The following PCDHGA6 variants were observed in gnomAD, a reference collection of about 807,000 sequenced individuals.
PCDHGA6 encodes protocadherin gamma subfamily A, 6, also known as protocadherin gamma-A6.
Under a neutral mutation model 60.6 loss-of-function variants are expected in PCDHGA6, and 41 were observed. The ratio of observed to expected loss-of-function variants is 0.68; its 90% confidence interval spans 0.53 to 0.88. The LOEUF (loss-of-function observed/expected upper bound fraction) is 0.88, where lower values mean the gene tolerates loss of function less well. Among genes scored for constraint, PCDHGA6 ranks in the 40% least tolerant of loss-of-function variants. The probability of loss-of-function intolerance (pLI) is 0.00; values close to 1 mark genes in which losing one functional copy is unlikely to be tolerated. For synonymous variants in PCDHGA6, 594 were observed against 524.4 expected (o/e 1.13, Z -1.81); for missense variants, 1,312 against 1,203.0 (o/e 1.09, Z -1.34).
At chr5:141,421,222 C>T in intron 1 of PCDHGA6, 1 of 1,576,946 alleles carries the variant, frequency 6.3e-7, no homozygotes, top group Non-Finnish European at 8.6e-7. Flanking sequence ...CGGCTTAGAG[C>T]CTGCCATGGC....
Position 141,491,902 on chromosome 5 carries a change from G to C in PCDHGA6, c.2425-2905G>C. On this transcript the variant is annotated intron_variant, in intron 1 of 3. Transcript: ENST00000517434. This position sits in a 1 kb window ranked among gnomAD's most constrained non-coding sequence, Gnocchi z 6.9. ...AGGGATGGGGCTCCGAGCACCGGGG[G>C]TGGTGGCGACTGTGGGCGAGGGGAG... 7.0e-7 allele frequency: 1 copy of C among 1,429,002 alleles called. No individual in the cohort carries two copies. Among genetic ancestry groups the C allele is most frequent in the Non-Finnish European group, 9.3e-7 (1 of 1,079,426 alleles). The allele number at this position is 1,429,002 out of a possible 1,614,324, so 88.5% of individuals were successfully genotyped here. A position where few individuals can be genotyped will look rare whatever the true frequency, so the allele number is the denominator to read the frequency against.
rs561548499 is a variant in PCDHGA6, at chr5:141,414,930, C to T, written c.2424+38423C>T. On this transcript the variant is annotated intron_variant, in intron 1 of 3. Coordinates refer to ENST00000517434, the MANE Select transcript of PCDHGA6 (RefSeq NM_018919.3). ...CAGGCGTGGAGCTGGCGCCCCGCTC[C>T]GCAGAGCCCGGCTACCTGGTGACCA... 1.9e-6 allele frequency: 3 copies of T among 1,614,156 alleles called. No homozygotes were observed. The South Asian group carries it at 3.3e-5, about 18-fold the overall frequency.
At chr5:141,430,853 C>G (rs769009864) in intron 1 of PCDHGA6, 2 of 1,587,214 alleles carry the variant, frequency 1.3e-6, no homozygotes, top group Non-Finnish European at 1.7e-6. Flanking sequence ...CACCCAGATA[C>G]GCTATTCAGT....
intron 1 of PCDHGA6, chr5:141,398,283 G>A (rs1470207042): frequency 7.2e-7 from 1 of 1,396,846 alleles, no homozygotes; most frequent in East Asian, 2.5e-5. Context: ...ACCTCGCCAC[G>A]GACCTGGGGT....
At chr5:141,410,338 C>T (rs1050053577) in intron 1 of PCDHGA6, 35 of 1,613,900 alleles carry the variant, frequency 2.2e-5, no homozygotes, top group Non-Finnish European at 2.2e-5. Context: ...TGGCCATTGC[C>T]TTGCGCCTGC....
At chr5:141,403,624 C>T (rs1269483770) in intron 1 of PCDHGA6, 3 of 1,613,924 alleles carry the variant, frequency 1.9e-6, no homozygotes. Context: ...GTCGCTCCAG[C>T]ACAGTGCGCA....
Position 141,374,140 on chromosome 5 carries a change from C to T in PCDHGA6, c.57C>T (p.Leu19=). ...GCGAGCAGGTCCTGCTCCTCACGCT[C>T]CTGGGGACGCTGTGGGGGGCCGCGG... ...QRSEQVLLLT[L]LGTLWGAAAA... Residue 19 remains leucine (L), a synonymous_variant, in exon 1 of 4, where the codon CTC becomes CTT. Coordinates refer to ENST00000517434, the MANE Select transcript of PCDHGA6 (RefSeq NM_018919.3). The T allele has an allele frequency of 6.2e-7, 1 of 1,609,666 alleles. No homozygotes were observed. The highest frequency in any genetic ancestry group is 1.1e-5 in the South Asian group (1 of 90,768).
At chr5:141,469,896 C>T (rs934040636) in intron 1 of PCDHGA6, among the ~76,000 whole-genome samples, 4 of 152,074 alleles carry the variant, frequency 2.6e-5, no homozygotes, top group Admixed American at 6.5e-5. Context: ...TTTGGGAAGC[C>T]GAGGCAGGCA....
intron 1 of PCDHGA6, among the ~76,000 whole-genome samples, chr5:141,450,123 T>G (rs565568384): frequency 2.4e-4 from 36 of 150,874 alleles, no homozygotes; most frequent in Non-Finnish European, 4.7e-4. Context: ...TCTCCTGCCT[T>G]AGCCTCCTGA....
intron 1 of PCDHGA6, chr5:141,384,644 C>G (rs757384812): frequency 6.2e-7 from 1 of 1,614,234 alleles, no homozygotes; most frequent in Non-Finnish European, 8.5e-7. Flanking sequence ...CCCCGCTCCG[C>G]AGAGCCCGGC....
chr5:141,409,802 G>A (rs2095317294), intron 1 of PCDHGA6: 10 of 1,611,810 alleles, frequency 6.2e-6, no homozygotes, highest in Non-Finnish European at 7.6e-6. Context: ...CACGCTGCAG[G>A]CCCGCGACCA....
At chr5:141,446,339 G>A (rs1455819111) in intron 1 of PCDHGA6, among the ~76,000 whole-genome samples, 1 of 152,164 alleles carries the variant, frequency 6.6e-6, no homozygotes, top group Non-Finnish European at 1.5e-5. Flanking sequence ...GAACTGGATG[G>A]ACAAAGCTAC....
intron 1 of PCDHGA6, chr5:141,428,329 A>G (rs928788851): frequency 4.8e-6 from 3 of 627,180 alleles, no homozygotes; most frequent in South Asian, 3.5e-5. Context: ...CTTGATTTCT[A>G]TGCTCTTCTT....
At chr5:141,419,972 C>T (rs534128024) in intron 1 of PCDHGA6, 3 of 1,613,948 alleles carry the variant, frequency 1.9e-6, no homozygotes, top group South Asian at 1.1e-5. Flanking sequence ...GCTCTTTCTC[C>T]TCGCGGTGAT....
chr5:141,409,990 C>A (rs377295503), intron 1 of PCDHGA6: 26 of 1,613,278 alleles, frequency 1.6e-5, no homozygotes, highest in Non-Finnish European at 2.2e-5. Flanking sequence ...CGGTGGACGC[C>A]GACTCGGGAC....
Position 141,374,944 on chromosome 5 carries a change from G to A in PCDHGA6, c.861G>A (p.Lys287=), listed in dbSNP as rs1405459227. The change falls in exon 1 of 4, where the codon AAG becomes AAA. Residue 287 remains lysine, a synonymous_variant. Transcript: ENST00000517434. ...ATTCCTTTGTGAAGATTACAGAAAA[G>A]ATCTCACAAATTTTCTGTTTGAATG... is the stretch of plus-strand genomic sequence containing the variant. The part of the protein sequence containing the change: ...VTYSFVKITE[K]ISQIFCLNVL... The A allele has an allele frequency of 3.7e-6, 6 of 1,614,018 alleles. No individual in the cohort carries two copies. Among genetic ancestry groups the A allele is most frequent in the Non-Finnish European group, 5.1e-6 (6 of 1,179,894 alleles).
chr5:141,450,842 T>TTTTTA, intron 1 of PCDHGA6, among the ~76,000 whole-genome samples: 1 of 148,196 alleles, frequency 6.7e-6, no homozygotes, highest in African/African-American at 2.5e-5. Context: ...TTTTTTTTTT[T>TTTTTA]GAGATGGGGT....
At position 141,494,841 on chromosome 5, in the gene PCDHGA6, A is replaced by G. The variant is rs1163193977; in HGVS notation, c.2459A>G (p.Gln820Arg). ...APPNTDWRFS[Q>R]AQRPGTSGSQ... ...CCCAACACGGACTGGCGTTTCTCTC[A>G]GGCCCAGAGACCCGGCACCAGCGGG... The change falls in exon 2 of 4, where the codon CAG (glutamine) becomes CGG (arginine). Residue 820 changes from glutamine to arginine, a missense_variant. Gln to Arg is a conservative substitution (Grantham distance 43). Coordinates refer to ENST00000517434, the MANE Select transcript of PCDHGA6 (RefSeq NM_018919.3). 1 of 1,613,996 alleles carries G rather than the reference A, an allele frequency of 6.2e-7. No homozygotes were observed. The highest frequency in any genetic ancestry group is 1.1e-5 in the South Asian group (1 of 91,074).
chr5:141,392,810 A>G (rs772526220), intron 1 of PCDHGA6: 41 of 1,580,272 alleles, frequency 2.6e-5, no homozygotes, highest in Middle Eastern at 1.7e-4. Context: ...GCAGCAAAAC[A>G]ACAATGGCCG....
Sources: gnomAD v4.1 joint callset for allele counts (sites outside exome capture counted in the v4.1 genomes callset) on GRCh38, gnomAD v4.1.1 for gene constraint, Gnocchi (gnomAD v3.1) non-coding constraint, MANE v1.5 for transcripts, NCBI Gene and HGNC (gene_info 2026-07-23, HGNC 2026-07-21) for gene names.